The following HS6ST3 variants were observed in gnomAD, a reference collection of about 807,000 sequenced individuals.
HS6ST3 encodes the protein heparan sulfate 6-O-sulfotransferase 3, also known as heparan-sulfate 6-O-sulfotransferase 3.
In HS6ST3, 12 loss-of-function variants were observed where a neutral mutation model predicts 36.7. That is an observed-to-expected ratio of 0.33 (90% confidence interval 0.21 to 0.53). The LOEUF is 0.53. Among genes scored for constraint, HS6ST3 ranks in the 20% least tolerant of loss-of-function variants. The pLI, the probability that HS6ST3 is intolerant of heterozygous loss-of-function variation, is 0.95. For missense variants in HS6ST3, 584 were observed against 640.9 expected, an observed-to-expected ratio of 0.91 and a Z score of 0.96; for synonymous variants, 240 against 257.5, an observed-to-expected ratio of 0.93 and a Z score of 0.65.
At chr13:96,658,953 C>T (rs1409432099) in intron 1 of HS6ST3, among the ~76,000 whole-genome samples, 4 of 149,970 alleles carry the variant, frequency 2.7e-5, no homozygotes, top group Admixed American at 2.0e-4. Flanking sequence ...AGTAATCCAC[C>T]GCCTCTGCCT....
At chr13:96,489,812 A>G (rs2055935770) in intron 1 of HS6ST3, among the ~76,000 whole-genome samples, 1 of 152,152 alleles carries the variant, frequency 6.6e-6, no homozygotes, top group Non-Finnish European at 1.5e-5. Flanking sequence ...TTTTGTTGAC[A>G]TTTAGGGGAA....
In HS6ST3 at chr13:96,360,656, A is replaced by AT. The variant is rs34836447; in HGVS notation, c.707+269087_707+269088insT. Among the ~76,000 whole-genome samples the AT allele has an allele frequency of 3.0e-3, 460 of 151,574 alleles. 4 individuals are homozygous for AT. The highest frequency in any genetic ancestry group is 0.011 in the African/African-American group (443 of 41,374). On this transcript the variant is annotated intron_variant, in intron 1 of 1. Coordinates refer to ENST00000376705, the MANE Select transcript of HS6ST3 (RefSeq NM_153456.4). ...TTGTTTTTGTATTATCAAAAAAAAA[A>AT]AAAAAAAAGTCCGGTGCAGTGGCTC...
chr13:96,214,706 C>T (rs768036064), intron 1 of HS6ST3, among the ~76,000 whole-genome samples: 4 of 152,050 alleles, frequency 2.6e-5, no homozygotes, highest in Non-Finnish European at 5.9e-5. Flanking sequence ...CATATCGTAA[C>T]CTGAATATCT....
intron 1 of HS6ST3, among the ~76,000 whole-genome samples, chr13:96,501,195 G>T (rs1187831072): frequency 6.6e-6 from 1 of 152,172 alleles, no homozygotes; most frequent in Non-Finnish European, 1.5e-5. Context: ...TCATTAGTGT[G>T]TTGTGCCTAT....
At chr13:96,187,049 T>C (rs1235187333) in intron 1 of HS6ST3, among the ~76,000 whole-genome samples, 1 of 152,250 alleles carries the variant, frequency 6.6e-6, no homozygotes, top group Non-Finnish European at 1.5e-5. Flanking sequence ...GGCTTTCATT[T>C]TCACAATCTG....
At chr13:96,518,397 A>G (rs2056081111) in intron 1 of HS6ST3, among the ~76,000 whole-genome samples, 1 of 152,198 alleles carries the variant, frequency 6.6e-6, no homozygotes, top group South Asian at 2.1e-4. Context: ...AACTAAAAGA[A>G]GTATGTTTAA....
intron 1 of HS6ST3, among the ~76,000 whole-genome samples, chr13:96,306,491 G>A (rs555575195): frequency 9.9e-5 from 15 of 152,124 alleles, no homozygotes; most frequent in South Asian, 2.1e-4. Flanking sequence ...GATTACAGGC[G>A]TGAGTCACCG....
chr13:96,596,339 C>T (rs929349799), intron 1 of HS6ST3, among the ~76,000 whole-genome samples: 9 of 152,080 alleles, frequency 5.9e-5, no homozygotes, highest in African/African-American at 2.2e-4. Context: ...GTGTATATTA[C>T]ATTTTCATTA....
At chr13:96,268,301 G>A (rs1001360877) in intron 1 of HS6ST3, among the ~76,000 whole-genome samples, 2 of 151,916 alleles carry the variant, frequency 1.3e-5, no homozygotes, top group Admixed American at 6.6e-5. Flanking sequence ...GGCTGGGGAG[G>A]CCTCAGGAAA....
chr13:96,091,004 C>T lies in HS6ST3; in HGVS notation c.142C>T (p.Pro48Ser). ...GCAGCCCCGCGCGGGGGAGGCCGGC[C>T]CGCCCGCCGTCCCGGGTCCCGCCCG... ...GEQPRAGEAG[P>S]PAVPGPARRA... The change falls in exon 1 of 2, where the codon CCG becomes TCG. Residue 48 changes from proline (P) to serine (S), a missense_variant. Around this residue, in one of 3 missense-constraint regions of HS6ST3, gnomAD observed 217 missense variants for 205.4 expected, o/e 1.06. Transcript: ENST00000376705. The T allele has an allele frequency of 3.9e-6, 5 of 1,297,740 alleles. No individual in the cohort carries two copies. The highest frequency in any genetic ancestry group is 1.5e-5 in the African/African-American group (1 of 65,392). The allele number at this position is 1,297,740 out of a possible 1,614,324, so 80.4% of individuals were successfully genotyped here. A position where few individuals can be genotyped will look rare whatever the true frequency, so the allele number is the denominator to read the frequency against.
chr13:96,148,253 TCA>T (rs1243053039), intron 1 of HS6ST3, among the ~76,000 whole-genome samples: 2 of 152,232 alleles, frequency 1.3e-5, no homozygotes, highest in East Asian at 3.8e-4. Flanking sequence ...TTGCTTAAAG[TCA>T]CAGTTTCCAA....
intron 1 of HS6ST3, among the ~76,000 whole-genome samples, chr13:96,389,771 A>G (rs974497634): frequency 7.2e-5 from 11 of 152,212 alleles, no homozygotes; most frequent in Admixed American, 6.5e-5. Context: ...GAGGAAACTA[A>G]GGACTAAATA....
chr13:96,494,383 G>C (rs1199969391), intron 1 of HS6ST3, among the ~76,000 whole-genome samples: 1 of 128,402 alleles, frequency 7.8e-6, no homozygotes, highest in Non-Finnish European at 1.6e-5. Flanking sequence ...CACACACCGG[G>C]GCCTGTTGTG....
At chr13:96,397,986 A>G (rs1249548147) in intron 1 of HS6ST3, among the ~76,000 whole-genome samples, 2 of 152,210 alleles carry the variant, frequency 1.3e-5, no homozygotes, top group Admixed American at 6.5e-5. Flanking sequence ...GCTGCTGTAC[A>G]GGAAAATGAG....
intron 1 of HS6ST3, among the ~76,000 whole-genome samples, chr13:96,800,148 G>C (rs1878032941): frequency 1.3e-5 from 2 of 150,068 alleles, no homozygotes; most frequent in African/African-American, 4.9e-5. Context: ...TTGATTTTCA[G>C]ATCAAATATA....
In HS6ST3 at chr13:96,836,882, T is replaced by G. The variant is rs554777879; in HGVS notation, c.*3684T>G. The G allele has an allele frequency of 8.5e-5, 13 of 152,350 alleles. No homozygotes were observed. Among genetic ancestry groups the G allele is most frequent in the African/African-American group, 3.1e-4 (13 of 41,578 alleles). 9.4% of individuals were successfully genotyped at this position (152,350 alleles called of 1,614,324 possible). A position where few individuals can be genotyped will look rare whatever the true frequency, so the allele number is the denominator to read the frequency against. ...GTTACCAGACGCCTAGGCCCTCTCC[T>G]GTTGCTCTGTCATCCTAATGTGCTG... On this transcript the variant is annotated 3_prime_UTR_variant, in exon 2 of 2. Coordinates refer to ENST00000376705, the MANE Select transcript of HS6ST3 (RefSeq NM_153456.4).
intron 1 of HS6ST3, among the ~76,000 whole-genome samples, chr13:96,122,163 G>A (rs570727489): frequency 2.6e-4 from 34 of 133,186 alleles, no homozygotes; most frequent in Non-Finnish European, 1.6e-5. Flanking sequence ...CTATTTTACA[G>A]CTGAGTAAAT....
In HS6ST3 at chr13:96,806,932, C is replaced by T. The variant is rs115546380; in HGVS notation, c.708-25558C>T. Among the ~76,000 whole-genome samples the T allele has an allele frequency of 7.3e-3, 1,105 of 152,228 alleles. 9 individuals are homozygous for T. The highest frequency in any genetic ancestry group is 0.024 in the African/African-American group (998 of 41,540). ...GATCTCCTCTTTTATGGCCTTCCCC[C>T]CGGGAAGACACGTCATAGAAGATAA... On this transcript the variant is annotated intron_variant, in intron 1 of 1. Coordinates refer to ENST00000376705, the MANE Select transcript of HS6ST3 (RefSeq NM_153456.4).
At chr13:96,245,579 C>T (rs1463224824) in intron 1 of HS6ST3, among the ~76,000 whole-genome samples, 1 of 152,100 alleles carries the variant, frequency 6.6e-6, no homozygotes, top group African/African-American at 2.4e-5. Flanking sequence ...CTACAGATTA[C>T]TGATGTCAAG....
Sources: allele counts gnomAD v4.1 joint callset (sites outside exome capture counted in the v4.1 genomes callset), GRCh38; gene constraint gnomAD v4.1.1; regional missense constraint gnomAD v4.1.1; transcripts MANE v1.5; gene names NCBI Gene and HGNC (gene_info 2026-07-23, HGNC 2026-07-21).